The following ANK3 variants were observed in gnomAD, a reference collection of about 807,000 sequenced individuals.
ANK3 encodes the protein ankyrin-3.
ANK3 carries 57 observed loss-of-function variants against 370.9 expected under a neutral mutation model. The observed-to-expected ratio is 0.15, with a 90% CI of 0.12 to 0.19. The LOEUF is 0.19. Among genes scored for constraint, ANK3 ranks in the 10% least tolerant of loss-of-function variants. The pLI is 1.00. For missense variants in ANK3, 4,439 were observed against 5,302.1 expected (o/e 0.84, Z 5.06); for synonymous variants, 1,929 against 1,946.3 (o/e 0.99, Z 0.23).
intron 28 of ANK3, among the ~76,000 whole-genome samples, chr10:60,097,314 G>A (rs182848598): frequency 8.5e-4 from 130 of 152,320 alleles, no homozygotes; most frequent in Middle Eastern, 6.8e-3. Context: ...TACCTCACAC[G>A]AGTGGTGGTT....
chr10:60,334,622 T>G (rs2052338977), intron 1 of ANK3, among the ~76,000 whole-genome samples: 1 of 152,172 alleles, frequency 6.6e-6, no homozygotes, highest in Admixed American at 6.5e-5. Context: ...TTGCATAACT[T>G]CGCAGCAAGT....
intron 2 of ANK3, among the ~76,000 whole-genome samples, chr10:60,499,637 C>T (rs1350452395): frequency 6.6e-6 from 1 of 152,162 alleles, no homozygotes; most frequent in African/African-American, 2.4e-5. Context: ...TGCATCTTCC[C>T]ATTCCATTCC....
At chr10:60,446,121 T>G (rs549083893) in intron 2 of ANK3, among the ~76,000 whole-genome samples, 1 of 152,288 alleles carries the variant, frequency 6.6e-6, no homozygotes, top group East Asian at 1.9e-4. Context: ...GCCGGGGTAC[T>G]TTTGATGATG....
intron 2 of ANK3, among the ~76,000 whole-genome samples, chr10:60,602,054 T>C (rs2078071651): frequency 6.6e-6 from 1 of 152,112 alleles, no homozygotes; most frequent in African/African-American, 2.4e-5. Context: ...GTAGTAGTAA[T>C]AGCTTACACT....
chr10:60,131,165 A>G (rs2094042330), intron 25 of ANK3, among the ~76,000 whole-genome samples: 1 of 152,224 alleles, frequency 6.6e-6, no homozygotes, highest in Non-Finnish European at 1.5e-5. Context: ...TAAAATTATC[A>G]CTGCTAAGAA....
At chr10:60,161,869 T>G (rs1169622849) in intron 23 of ANK3, among the ~76,000 whole-genome samples, 1 of 149,568 alleles carries the variant, frequency 6.7e-6, no homozygotes, top group Non-Finnish European at 1.5e-5. Context: ...CAATAATTTA[T>G]AGTTAACAAT....
chr10:60,113,377 G>A (rs2092849253), intron 26 of ANK3, among the ~76,000 whole-genome samples: 1 of 151,982 alleles, frequency 6.6e-6, no homozygotes, highest in African/African-American at 2.4e-5. Context: ...TATCATATGA[G>A]AAAAAAATGA....
intron 25 of ANK3, among the ~76,000 whole-genome samples, chr10:60,124,190 C>T (rs1000623899): frequency 6.6e-6 from 1 of 152,202 alleles, no homozygotes; most frequent in Non-Finnish European, 1.5e-5. Context: ...CAGAGTCTCA[C>T]TCTGTCGCCT....
At chr10:60,535,056 C>T (rs1938540) in intron 2 of ANK3, among the ~76,000 whole-genome samples, 13,443 of 152,148 alleles carry the variant, frequency 0.088, 1,162 homozygotes, top group East Asian at 0.31. Flanking sequence ...ACTGCAGCTA[C>T]GGCTCCAGAA....
At chr10:60,302,086 A>G (rs1390715439) in intron 1 of ANK3, among the ~76,000 whole-genome samples, 1 of 152,236 alleles carries the variant, frequency 6.6e-6, no homozygotes, top group African/African-American at 2.4e-5. Context: ...AACAATGAAT[A>G]AAACTGAGAA....
At position 60,571,857 on chromosome 10, in the gene ANK3, T is replaced by A. The variant is rs181476004; in HGVS notation, c.96+43329A>T. On this transcript the variant is annotated intron_variant, in intron 2 of 43. Transcript: ENST00000373827. ...TTACCATAATCATCTATTAATATAT[T>A]GATGATTCCTCAATTTACATGGAAA... Among the ~76,000 whole-genome samples, 92 of 152,306 alleles carry A rather than the reference T, an allele frequency of 6.0e-4. No individual in the cohort carries two copies. The East Asian group carries it at 0.017, about 28-fold the overall frequency.
At chr10:60,716,129 A>G (rs974163991) in intron 1 of ANK3, among the ~76,000 whole-genome samples, 1 of 152,192 alleles carries the variant, frequency 6.6e-6, no homozygotes, top group Non-Finnish European at 1.5e-5. Flanking sequence ...ATTCCTATTG[A>G]GAATCATTAA....
chr10:60,359,011 C>A (rs2058209820), intron 1 of ANK3, among the ~76,000 whole-genome samples: 1 of 152,138 alleles, frequency 6.6e-6, no homozygotes, highest in Admixed American at 6.5e-5. Context: ...TTTGGACCTG[C>A]AGTTATCTTA....
intron 1 of ANK3, among the ~76,000 whole-genome samples, chr10:60,649,356 A>G (rs905516267): frequency 1.3e-5 from 2 of 152,234 alleles, no homozygotes; most frequent in Non-Finnish European, 2.9e-5. Context: ...CTTTAATAGT[A>G]TAATGATTTT....
rs752783008 is a variant in ANK3, at chr10:60,207,986, AC to A, written c.1194+49del. ...CATTCCCTTCACATACAGAGGCAGC[AC>A]GTTGTGAGCAAGACAACTGAGGCTG... On this transcript the variant is annotated intron_variant, in intron 10 of 43. Coordinates refer to ENST00000280772, the MANE Select transcript of ANK3 (RefSeq NM_020987.5). The A allele has an allele frequency of 2.1e-5, 32 of 1,496,204 alleles. No homozygotes were observed. The African/African-American group carries it at 4.4e-4, about 21-fold the overall frequency. The allele number at this position is 1,496,204 out of a possible 1,614,324, so 92.7% of individuals were successfully genotyped here.
intron 2 of ANK3, among the ~76,000 whole-genome samples, chr10:60,531,247 C>T (rs1263847862): frequency 1.3e-5 from 2 of 151,944 alleles, no homozygotes; most frequent in Admixed American, 6.6e-5. Context: ...CAACCACGCA[C>T]AAAGAACCAG....
At chr10:60,521,177 C>T (rs1217261875) in intron 2 of ANK3, among the ~76,000 whole-genome samples, 6 of 151,966 alleles carry the variant, frequency 3.9e-5, no homozygotes, top group African/African-American at 1.4e-4. Context: ...TATTTCTCTT[C>T]TTTGTAGAAC....
At chr10:60,297,221 T>C (rs1388835670) in intron 1 of ANK3, among the ~76,000 whole-genome samples, 1 of 152,196 alleles carries the variant, frequency 6.6e-6, no homozygotes, top group African/African-American at 2.4e-5. Flanking sequence ...CTTTTCAAAC[T>C]GGTTGCCATC....
At chr10:60,274,519 G>A (rs202072544) in intron 4 of ANK3, among the ~76,000 whole-genome samples, 175 of 152,228 alleles carry the variant, frequency 1.1e-3, no homozygotes, top group African/African-American at 4.1e-3. Context: ...AGACAGAGAA[G>A]CTTGCCCTTC....
Sources: allele counts gnomAD v4.1 joint callset (sites outside exome capture counted in the v4.1 genomes callset), GRCh38; gene constraint gnomAD v4.1.1; transcripts MANE v1.5; gene names NCBI Gene and HGNC (gene_info 2026-07-23, HGNC 2026-07-21).